Variants in CADPS observed in about 807,000 individuals in gnomAD.
CADPS encodes calcium-dependent secretion activator 1.
CADPS carries 57 observed loss-of-function variants against 167.3 expected under a neutral mutation model. That is an observed-to-expected ratio of 0.34 (90% CI 0.28 to 0.42). CADPS has a LOEUF of 0.42. Ranked by LOEUF, CADPS falls within the 20% of genes least tolerant of loss-of-function variation. CADPS has a pLI of 1.00. For synonymous variants in CADPS, 676 were observed against 635.3 expected, an observed-to-expected ratio of 1.06 and a Z score of -0.96; for missense variants, 1,414 against 1,738.1, an observed-to-expected ratio of 0.81 and a Z score of 3.32.
chr3:62,841,203 G>A (rs1209403412), intron 1 of CADPS, among the ~76,000 whole-genome samples: 1 of 152,158 alleles, frequency 6.6e-6, no homozygotes, highest in Non-Finnish European at 1.5e-5. Context: ...AATGTTGAGA[G>A]AAAAATTACT....
At chr3:62,457,563 A>G (rs2058838274) in intron 26 of CADPS, among the ~76,000 whole-genome samples, 1 of 152,216 alleles carries the variant, frequency 6.6e-6, no homozygotes, top group African/African-American at 2.4e-5. Flanking sequence ...TGCATGAAAG[A>G]ATATGCTAAA....
chr3:62,467,208 C>A (rs746678811), intron 24 of CADPS: 2 of 502,516 alleles, frequency 4.0e-6, no homozygotes, highest in South Asian at 2.7e-5. Flanking sequence ...TTTATTAGAT[C>A]ATTTTAGTAT....
intron 3 of CADPS, among the ~76,000 whole-genome samples, chr3:62,739,192 T>C (rs1044591291): frequency 2.2e-4 from 33 of 152,140 alleles, no homozygotes; most frequent in African/African-American, 8.0e-4. Flanking sequence ...CACTTTTACT[T>C]AAAACCCTGT....
chr3:62,563,028 TGA>T (rs1417644841), intron 9 of CADPS, among the ~76,000 whole-genome samples: 2 of 152,206 alleles, frequency 1.3e-5, no homozygotes, highest in Admixed American at 1.3e-4. Context: ...TTAAATATAT[TGA>T]GAGACAGAGG....
At chr3:62,522,826 G>T (rs1438761178) in intron 13 of CADPS, among the ~76,000 whole-genome samples, 1 of 152,082 alleles carries the variant, frequency 6.6e-6, no homozygotes, top group Admixed American at 6.6e-5. Context: ...TCATGATCCT[G>T]CAAACTTGAG....
intron 13 of CADPS, among the ~76,000 whole-genome samples, chr3:62,523,948 C>G (rs555680017): frequency 3.3e-5 from 5 of 152,308 alleles, no homozygotes; most frequent in Middle Eastern, 3.4e-3. Context: ...ATCCTACTTG[C>G]TACGAAATTG....
Position 62,602,049 on chromosome 3 carries a change from C to T in CADPS, c.1326-9301G>A, listed in dbSNP as rs2060048237. Reference sequence around the variant, plus strand: ...ATCAACAAATGTTGCTAATCAAATACACACAGTAATTTTCATTAGAATTTT... The same window carrying T: ...ATCAACAAATGTTGCTAATCAAATATACACAGTAATTTTCATTAGAATTTT... On this transcript the variant is annotated intron_variant, in intron 6 of 29. Coordinates refer to ENST00000383710, the MANE Select transcript of CADPS (RefSeq NM_003716.4). This position sits in a 1 kb window ranked among gnomAD's most constrained non-coding sequence, Gnocchi z 4.4. Among the ~76,000 whole-genome samples the T allele has an allele frequency of 6.6e-6, 1 of 152,130 alleles. No homozygotes were observed. The highest frequency in any genetic ancestry group is 1.5e-5 in the Non-Finnish European group (1 of 68,018).
intron 21 of CADPS, among the ~76,000 whole-genome samples, chr3:62,486,248 C>A (rs2062796784): frequency 6.6e-6 from 1 of 151,980 alleles, no homozygotes; most frequent in South Asian, 2.1e-4. Flanking sequence ...AGATCGAGAC[C>A]ATCCTGGCTA....
chr3:62,858,573 T>A (rs1319650386), intron 1 of CADPS, among the ~76,000 whole-genome samples: 1 of 152,134 alleles, frequency 6.6e-6, no homozygotes, highest in African/African-American at 2.4e-5. Flanking sequence ...CTGTTTGGAA[T>A]TGGGGAATGA....
chr3:62,594,452 C>T (rs904160122), intron 6 of CADPS, among the ~76,000 whole-genome samples: 3 of 152,186 alleles, frequency 2.0e-5, no homozygotes, highest in Non-Finnish European at 4.4e-5. Flanking sequence ...TGAGCCACCG[C>T]GCCCGGCCCT....
chr3:62,692,757 G>C (rs1334238442), intron 3 of CADPS, among the ~76,000 whole-genome samples: 1 of 151,954 alleles, frequency 6.6e-6, no homozygotes, highest in Non-Finnish European at 1.5e-5. Context: ...CCCAAATTAG[G>C]TTTTTAAAGC....
intron 3 of CADPS, among the ~76,000 whole-genome samples, chr3:62,732,120 G>A (rs2078023838): frequency 1.3e-5 from 2 of 152,112 alleles, no homozygotes; most frequent in South Asian, 4.1e-4. Context: ...GCTTCTAACA[G>A]GCTCCTAATT....
chr3:62,465,515 TC>T lies in CADPS; in HGVS notation c.3553-66del, dbSNP rs2059843055. The T allele has an allele frequency of 6.3e-6, 7 of 1,106,386 alleles. No homozygotes were observed. Among genetic ancestry groups the T allele is most frequent in the Non-Finnish European group, 9.3e-6 (7 of 753,466 alleles). 68.5% of individuals were successfully genotyped at this position (1,106,386 alleles called of 1,614,324 possible). ...CTATAATTGTTCACCATAAAGCACA[TC>T]ATTTCCCCACCACATAAAGGCTGGG... On this transcript the variant is annotated intron_variant, in intron 25 of 29. Coordinates refer to ENST00000383710, the MANE Select transcript of CADPS (RefSeq NM_003716.4). The surrounding 1 kb of genome is among the most constrained non-coding windows in gnomAD (Gnocchi z 4.1).
intron 13 of CADPS, 120 bp downstream of exon 13, chr3:62,532,751 A>C: frequency 1.7e-6 from 1 of 605,118 alleles, no homozygotes; most frequent in Non-Finnish European, 2.9e-6. Context: ...GTGTGTGTGT[A>C]CGTGTGCACA....
intron 21 of CADPS, among the ~76,000 whole-genome samples, chr3:62,489,392 C>T (rs1024826772): frequency 9.9e-5 from 15 of 152,190 alleles, no homozygotes; most frequent in Non-Finnish European, 1.3e-4. Context: ...GATCCCCTGA[C>T]CTTGTGATCC....
intron 1 of CADPS, among the ~76,000 whole-genome samples, chr3:62,862,760 A>AT (rs1463705206): frequency 4.6e-5 from 7 of 152,212 alleles, no homozygotes; most frequent in African/African-American, 1.7e-4. Flanking sequence ...AAATGAAGCA[A>AT]TTTTTTAAAA....
intron 18 of CADPS, among the ~76,000 whole-genome samples, chr3:62,495,760 G>A (rs184799729): frequency 5.3e-5 from 8 of 152,302 alleles, no homozygotes; most frequent in African/African-American, 7.2e-5. Flanking sequence ...GGCATAATTC[G>A]TGTGTGTATG....
intron 1 of CADPS, among the ~76,000 whole-genome samples, chr3:62,787,388 C>G (rs2092557742): frequency 6.6e-6 from 1 of 152,018 alleles, no homozygotes; most frequent in East Asian, 1.9e-4. Flanking sequence ...AATACTGAAG[C>G]ATATTCAAGC....
intron 11 of CADPS, among the ~76,000 whole-genome samples, chr3:62,549,585 C>T: frequency 6.6e-6 from 1 of 151,336 alleles, no homozygotes; most frequent in South Asian, 2.1e-4. Flanking sequence ...CAAGGACATA[C>T]ATAATCTACT....
Sources: allele counts gnomAD v4.1 joint callset (sites outside exome capture counted in the v4.1 genomes callset), GRCh38; gene constraint gnomAD v4.1.1; non-coding constraint Gnocchi (gnomAD v3.1); transcripts MANE v1.5; gene names NCBI Gene and HGNC (gene_info 2026-07-23, HGNC 2026-07-21).